The following ADGRL2 variants were observed in gnomAD, a reference collection of about 807,000 sequenced individuals.
The protein encoded by ADGRL2 is adhesion G protein-coupled receptor L2.
In ADGRL2, 44 loss-of-function variants were observed where a neutral mutation model predicts 157.4. The observed-to-expected ratio is 0.28, with a 90% CI of 0.22 to 0.36. ADGRL2 has a LOEUF of 0.36. Among genes scored for constraint, ADGRL2 ranks in the 10% least tolerant of loss-of-function variants. The pLI is 1.00. For missense variants in ADGRL2, 1,510 were observed against 1,768.9 expected (o/e 0.85, Z 2.63); for synonymous variants, 585 against 624.7 (o/e 0.94, Z 0.95).
chr1:81,815,578 C>T (rs2090316314), intron 1 of ADGRL2, among the ~76,000 whole-genome samples: 1 of 151,718 alleles, frequency 6.6e-6, no homozygotes, highest in Non-Finnish European at 1.5e-5. Flanking sequence ...GGTTGATTCT[C>T]ATCAGAGTCT....
At chr1:81,653,104 G>A (rs1230768012) in intron 3 of ADGRL2, among the ~76,000 whole-genome samples, 1 of 152,018 alleles carries the variant, frequency 6.6e-6, no homozygotes, top group Non-Finnish European at 1.5e-5. Context: ...CAGATACAAT[G>A]TCAAGTATAT....
chr1:81,545,526 C>T (rs1291456606), intron 2 of ADGRL2, among the ~76,000 whole-genome samples: 2 of 152,166 alleles, frequency 1.3e-5, no homozygotes, highest in East Asian at 3.9e-4. Context: ...AGTGATCTGC[C>T]CGCCTCGCCT....
At position 81,942,988 on chromosome 1, in the gene ADGRL2, C is replaced by G; in HGVS notation, c.429C>G (p.Thr143=). ...TGTTAGTTTTTGTGTGTCCTGGGAC[C>G]TTGAAAGCAATTGTGGACTCACCAT... is the stretch of plus-strand genomic sequence containing the variant. ...MEQKVFVCPG[T]LKAIVDSPCI... The change falls in exon 6 of 24, where the codon ACC becomes ACG. Residue 143 remains threonine, a synonymous_variant. Coordinates refer to ENST00000686636, the MANE Select transcript of ADGRL2 (RefSeq NM_001366006.2). 1 of 1,611,586 alleles carries G rather than the reference C, an allele frequency of 6.2e-7. No individual in the cohort carries two copies. Among genetic ancestry groups the G allele is most frequent in the Non-Finnish European group, 8.5e-7 (1 of 1,178,494 alleles).
intron 20 of ADGRL2, among the ~76,000 whole-genome samples, 156 bp from the exon 21 acceptor site, chr1:81,985,102 GA>G (rs1272580709): frequency 6.6e-6 from 1 of 151,986 alleles, no homozygotes; most frequent in Non-Finnish European, 1.5e-5. Context: ...ATAAACAATA[GA>G]TATTGTTAGT....
chr1:81,701,709 T>C (rs1035172062), intron 1 of ADGRL2, among the ~76,000 whole-genome samples: 2 of 152,232 alleles, frequency 1.3e-5, no homozygotes, highest in African/African-American at 4.8e-5. Flanking sequence ...CAATGCTGTC[T>C]GTTTTCTTGC....
At chr1:81,705,369 T>C (rs1231903576) in intron 1 of ADGRL2, among the ~76,000 whole-genome samples, 1 of 152,024 alleles carries the variant, frequency 6.6e-6, no homozygotes, top group Non-Finnish European at 1.5e-5. Context: ...ATAATGTTGT[T>C]TGGATGCAGA....
chr1:81,987,448 G>A, intron 22 of ADGRL2: 2 of 785,950 alleles, frequency 2.5e-6, no homozygotes, highest in Admixed American at 3.4e-5. Flanking sequence ...CCTAGCTATA[G>A]AAAACCACAT....
At chr1:81,309,638 A>G (rs1035049377) in intron 1 of ADGRL2, among the ~76,000 whole-genome samples, 2 of 152,174 alleles carry the variant, frequency 1.3e-5, no homozygotes. Flanking sequence ...AATCTGTATT[A>G]TCATTATCAC....
chr1:81,746,509 T>C (rs1322895525), intron 1 of ADGRL2, among the ~76,000 whole-genome samples: 4 of 152,170 alleles, frequency 2.6e-5, no homozygotes, highest in African/African-American at 9.6e-5. Flanking sequence ...AGGCTGGTCT[T>C]GAAATCCTGG....
intron 2 of ADGRL2, among the ~76,000 whole-genome samples, chr1:81,466,669 T>A (rs201834902): frequency 2.1e-5 from 1 of 48,388 alleles, no homozygotes; most frequent in African/African-American, 6.9e-5. Context: ...TCTCTCTCTC[T>A]CACGCGCGCG....
intron 3 of ADGRL2, among the ~76,000 whole-genome samples, chr1:81,629,563 T>C (rs1557519435): frequency 6.6e-6 from 1 of 152,176 alleles, no homozygotes; most frequent in Non-Finnish European, 1.5e-5. Context: ...ATATTATGAA[T>C]GTTAATTCCA....
At chr1:81,841,720 A>G (rs1043995995) in intron 2 of ADGRL2, among the ~76,000 whole-genome samples, 3 of 152,188 alleles carry the variant, frequency 2.0e-5, no homozygotes, top group Admixed American at 1.3e-4. Flanking sequence ...TGCTAGTTTC[A>G]TAAGGGCAGG....
intron 3 of ADGRL2, among the ~76,000 whole-genome samples, chr1:81,692,633 ATTCTC>A (rs2083365474): frequency 6.6e-6 from 1 of 152,218 alleles, no homozygotes. Flanking sequence ...GCACATCGTA[ATTCTC>A]TAAGTGTTTA....
intron 1 of ADGRL2, among the ~76,000 whole-genome samples, chr1:81,406,243 A>G (rs2076851940): frequency 6.6e-6 from 1 of 152,160 alleles, no homozygotes; most frequent in Non-Finnish European, 1.5e-5. Context: ...GGGCTTCACA[A>G]TAGAATTTTC....
chr1:81,788,003 G>T (rs745317312), intron 2 of ADGRL2, among the ~76,000 whole-genome samples: 1 of 151,926 alleles, frequency 6.6e-6, no homozygotes, highest in Non-Finnish European at 1.5e-5. Flanking sequence ...AAAAATAATG[G>T]GTGAAAGATA....
At chr1:81,830,040 T>G (rs1425613965) in intron 1 of ADGRL2, among the ~76,000 whole-genome samples, 1 of 152,222 alleles carries the variant, frequency 6.6e-6, no homozygotes, top group Non-Finnish European at 1.5e-5. Context: ...TCATCACATT[T>G]ACTACCATTA....
intron 1 of ADGRL2, among the ~76,000 whole-genome samples, chr1:81,817,284 T>C (rs1444355563): frequency 3.9e-5 from 6 of 151,970 alleles, no homozygotes; most frequent in Non-Finnish European, 8.8e-5. Context: ...CATTTTTTTT[T>C]TTTGGTAAGA....
intron 1 of ADGRL2, among the ~76,000 whole-genome samples, chr1:81,328,098 A>T (rs998922377): frequency 3.3e-5 from 5 of 152,182 alleles, no homozygotes; most frequent in African/African-American, 1.2e-4. Context: ...ACTGCCTTTC[A>T]TTCAAAGTGC....
At chr1:81,483,265 A>T (rs1042521346) in intron 2 of ADGRL2, among the ~76,000 whole-genome samples, 1 of 152,180 alleles carries the variant, frequency 6.6e-6, no homozygotes, top group Non-Finnish European at 1.5e-5. Flanking sequence ...TATGAGTCTT[A>T]CTTAAGCCAT....
Sources: gnomAD v4.1 joint callset for allele counts (sites outside exome capture counted in the v4.1 genomes callset) on GRCh38, gnomAD v4.1.1 for gene constraint, MANE v1.5 for transcripts, NCBI Gene and HGNC (gene_info 2026-07-23, HGNC 2026-07-21) for gene names.